MAPK4: variants seen among roughly 807,000 people sequenced by gnomAD.
The protein encoded by MAPK4 is Erk3-related.
A neutral mutation model predicts 47.7 loss-of-function variants in MAPK4; 22 were observed. The ratio of observed to expected loss-of-function variants is 0.46; its 90% CI spans 0.33 to 0.66. MAPK4 has a LOEUF of 0.66. MAPK4 is among the 30% of genes least tolerant of loss of function. The pLI, the probability that MAPK4 is intolerant of heterozygous loss-of-function variation, is 0.02. For missense variants in MAPK4, 736 were observed against 831.7 expected (o/e 0.88, Z 1.42); for synonymous variants, 390 against 365.7 (o/e 1.07, Z -0.76).
At chr18:50,695,205 G>GTA (rs1405774691) in intron 2 of MAPK4, among the ~76,000 whole-genome samples, 1 of 151,928 alleles carries the variant, frequency 6.6e-6, no homozygotes, top group Non-Finnish European at 1.5e-5. Flanking sequence ...ATTTAGCCGG[G>GTA]TATGGTGGCA....
At chr18:50,566,433 C>A (rs2042198783) in intron 1 of MAPK4, among the ~76,000 whole-genome samples, 1 of 152,236 alleles carries the variant, frequency 6.6e-6, no homozygotes, top group South Asian at 2.1e-4. Flanking sequence ...CAGAGATCAG[C>A]TGGGAGGCTG....
intron 3 of MAPK4, among the ~76,000 whole-genome samples, chr18:50,720,552 G>T (rs960366794): frequency 6.6e-6 from 1 of 152,026 alleles, no homozygotes; most frequent in African/African-American, 2.4e-5. Context: ...AAGTGAAAGA[G>T]GCTCATTCTC....
chr18:50,669,972 A>G (rs1268630601), intron 2 of MAPK4: 3 of 152,150 alleles, frequency 2.0e-5, no homozygotes, highest in Non-Finnish European at 4.4e-5. Flanking sequence ...ATCCTGGCTA[A>G]CATGGTGAAA....
rs1025848395 is a variant in MAPK4 at position 50,629,119 on chromosome 18, A to C, written c.-870-33970A>C. 2.0e-5 allele frequency among the ~76,000 whole-genome samples: 3 copies of C among 152,210 alleles called. 1 individual carries two copies. Among genetic ancestry groups the C allele is most frequent in the Admixed American group, 1.3e-4 (2 of 15,286 alleles). ...CTTTGTGGGGGCTTTCTCAAGAGTA[A>C]GTGCTCACATTCGCTAAGATGAGGG... On this transcript the variant is annotated intron_variant, in intron 1 of 5. Coordinates refer to ENST00000400384, the MANE Select transcript of MAPK4 (RefSeq NM_002747.4).
chr18:50,628,523 C>T (rs1173371607), intron 1 of MAPK4, among the ~76,000 whole-genome samples: 1 of 151,634 alleles, frequency 6.6e-6, no homozygotes, highest in African/African-American at 2.4e-5. Context: ...TAGAATAATG[C>T]TGTTAAGATT....
At chr18:50,716,619 C>T (rs79388216) in intron 3 of MAPK4, among the ~76,000 whole-genome samples, 2 of 152,332 alleles carry the variant, frequency 1.3e-5, no homozygotes, top group East Asian at 3.9e-4. Flanking sequence ...GGGCCTGCCT[C>T]CTTGCCACCT....
At chr18:50,584,999 C>CCAT (rs1464199210) in intron 1 of MAPK4, among the ~76,000 whole-genome samples, 1 of 152,130 alleles carries the variant, frequency 6.6e-6, no homozygotes, top group Non-Finnish European at 1.5e-5. Context: ...TGTTTCTTGT[C>CCAT]CATCATTTGA....
chr18:50,680,380 C>T (rs1460560661), intron 2 of MAPK4, among the ~76,000 whole-genome samples: 1 of 152,094 alleles, frequency 6.6e-6, no homozygotes, highest in East Asian at 1.9e-4. Context: ...GTGTGAGCCA[C>T]CGCGCCTGGC....
At chr18:50,704,462 C>G (rs1242196932) in intron 2 of MAPK4, 2 of 397,736 alleles carry the variant, frequency 5.0e-6, no homozygotes, top group East Asian at 3.6e-5. Context: ...GCCTGGGTGA[C>G]AAAGTGAGAC....
chr18:50,639,132 C>A (rs2042916238), intron 1 of MAPK4, among the ~76,000 whole-genome samples: 2 of 152,162 alleles, frequency 1.3e-5, no homozygotes, highest in Non-Finnish European at 2.9e-5. Context: ...TTTCAGAAAC[C>A]TGGGGAATGG....
intron 1 of MAPK4, among the ~76,000 whole-genome samples, chr18:50,603,602 A>T (rs944481030): frequency 5.9e-5 from 9 of 152,168 alleles, no homozygotes; most frequent in Non-Finnish European, 1.3e-4. Context: ...CTCTGAGTCC[A>T]CAGCTGCAGA....
intron 1 of MAPK4, among the ~76,000 whole-genome samples, chr18:50,571,639 T>G (rs975175341): frequency 6.6e-6 from 1 of 152,224 alleles, no homozygotes; most frequent in African/African-American, 2.4e-5. Context: ...ATATAGTTAT[T>G]TGAGACCCAT....
intron 1 of MAPK4, among the ~76,000 whole-genome samples, chr18:50,589,928 G>C (rs2042422851): frequency 6.6e-6 from 1 of 152,188 alleles, no homozygotes; most frequent in Non-Finnish European, 1.5e-5. Context: ...TATTTATGTA[G>C]CTCTTTGTTG....
chr18:50,577,200 G>A (rs2149360983), intron 1 of MAPK4, among the ~76,000 whole-genome samples: 1 of 152,304 alleles, frequency 6.6e-6, no homozygotes, highest in East Asian at 1.9e-4. Context: ...CCAATGGTAT[G>A]TGTTGTCATT....
chr18:50,699,478 G>A (rs1909670531), intron 2 of MAPK4, among the ~76,000 whole-genome samples: 2 of 152,166 alleles, frequency 1.3e-5, no homozygotes, highest in African/African-American at 2.4e-5. Context: ...AAAGACTTTA[G>A]CAATATTGCT....
chr18:50,591,689 G>A (rs2042437904), intron 1 of MAPK4, among the ~76,000 whole-genome samples: 1 of 151,806 alleles, frequency 6.6e-6, no homozygotes, highest in Non-Finnish European at 1.5e-5. Flanking sequence ...TAGAGGTCTT[G>A]CTATCACCAT....
At chr18:50,725,303 T>C (rs1400911906) in intron 4 of MAPK4, among the ~76,000 whole-genome samples, 1 of 152,188 alleles carries the variant, frequency 6.6e-6, no homozygotes, top group Non-Finnish European at 1.5e-5. Context: ...GGAAGAGCTC[T>C]GGATTCGGAC....
chr18:50,624,879 C>G (rs1251294502), intron 1 of MAPK4, among the ~76,000 whole-genome samples: 1 of 151,988 alleles, frequency 6.6e-6, no homozygotes, highest in Non-Finnish European at 1.5e-5. Flanking sequence ...AGAGAACTTG[C>G]TGTGTTCAGA....
At position 50,707,234 on chromosome 18, in the gene MAPK4, C is replaced by T. The variant is rs144485883; in HGVS notation, c.547-7845C>T. On this transcript the variant is annotated intron_variant, in intron 2 of 5. Transcript: ENST00000400384. Reference sequence around the variant, plus strand: ...GCAGGGGGCAAGAACAATGGGGAGTCATTGTTTAAGGGGGACAGACTTTCA... The same window carrying T: ...GCAGGGGGCAAGAACAATGGGGAGTTATTGTTTAAGGGGGACAGACTTTCA... Among the ~76,000 whole-genome samples, 306 of 152,090 alleles carry T rather than the reference C, an allele frequency of 2.0e-3. 2 individuals are homozygous for T. The highest frequency in any genetic ancestry group is 7.5e-4 in the Non-Finnish European group (51 of 67,978).
Sources: gnomAD v4.1 joint callset for allele counts (sites outside exome capture counted in the v4.1 genomes callset) on GRCh38, gnomAD v4.1.1 for gene constraint, MANE v1.5 for transcripts, NCBI Gene and HGNC (gene_info 2026-07-23, HGNC 2026-07-21) for gene names.